PJVK: variants seen among roughly 807,000 people sequenced by gnomAD.
PJVK encodes the protein pejvakin.
A neutral mutation model predicts 37.6 loss-of-function variants in PJVK; 33 were observed. That is an observed-to-expected ratio of 0.88 (90% CI 0.67 to 1.17). The LOEUF is 1.17. PJVK is among the 50% of genes most tolerant of loss of function. The pLI is 0.00. For missense variants in PJVK, 410 were observed against 413.8 expected, an observed-to-expected ratio of 0.99 and a Z score of 0.08; for synonymous variants, 141 against 143.5, an observed-to-expected ratio of 0.98 and a Z score of 0.13.
At position 178,456,058 on chromosome 2, in the gene PJVK, A is replaced by G. The variant is rs570285692; in HGVS notation, c.456A>G (p.Arg152=). The change falls in exon 4 of 7, where the codon AGA becomes AGG. Residue 152 remains arginine, a synonymous_variant. Transcript: ENST00000644580. ...HSLIRQSRSS[R]KAVLCVVMES... The stretch of plus-strand genomic sequence containing the variant: ...TGATACGTCAGTCAAGGAGCAGCAG[A>G]AAGGCAGTATTGTGTGTGGTCATGG... 11 of 1,614,242 alleles carry G rather than the reference A, an allele frequency of 6.8e-6. No individual in the cohort carries two copies. The East Asian group carries it at 2.2e-4, about 33-fold the overall frequency.
intron 2 of PJVK, chr2:178,453,977 A>G (rs1247446431): frequency 3.2e-6 from 1 of 314,224 alleles, no homozygotes; most frequent in Non-Finnish European, 6.3e-6. Context: ...TTTACAATTC[A>G]ATTATTACAA....
intron 3 of PJVK, 132 bp from the exon 4 acceptor site, chr2:178,455,878 T>TG: frequency 1.0e-6 from 1 of 998,166 alleles, no homozygotes; most frequent in Non-Finnish European, 1.5e-6. Flanking sequence ...GGGTGTATTT[T>TG]CTGACTATTA....
At chr2:178,458,766 A>T in intron 5 of PJVK, 139 bp downstream of exon 5, 3 of 828,572 alleles carry the variant, frequency 3.6e-6, no homozygotes, top group Non-Finnish European at 6.2e-6. Context: ...TGTCAATCTT[A>T]TGCTTTGGCA....
Position 178,454,978 on chromosome 2 carries a change from A to G in PJVK, c.407+451A>G, listed in dbSNP as rs568291862. 10 of 971,460 alleles carry G rather than the reference A, an allele frequency of 1.0e-5. No homozygotes were observed. In the South Asian group the frequency reaches 1.3e-4, roughly 12 times the overall value. The allele number at this position is 971,460 out of a possible 1,614,324, so 60.2% of individuals were successfully genotyped here. On this transcript the variant is annotated intron_variant, in intron 3 of 6. Coordinates refer to ENST00000644580, the MANE Select transcript of PJVK (RefSeq NM_001042702.5). ...TGGACCAAGACCCTGTCGGAGCTGG[A>G]CCTGGCGGTCCCTTTCTGTGTGGAC...
Position 178,451,398 on chromosome 2 carries a change from C to T in PJVK, c.-394C>T, listed in dbSNP as rs758801582. 2 of 296,490 alleles carry T rather than the reference C, an allele frequency of 6.7e-6. No individual in the cohort carries two copies. Among genetic ancestry groups the T allele is most frequent in the Admixed American group, 5.6e-5 (1 of 17,902 alleles). The allele number at this position is 296,490 out of a possible 1,614,324, so 18.4% of individuals were successfully genotyped here. On this transcript the variant is annotated 5_prime_UTR_variant, in exon 1 of 7. Transcript: ENST00000644580. ...GCCCTGACCAGCCTGTAGTAACTGGCCCCTAGGCCGCAGTTCTTTGTCCTT... is the reference window on the plus strand; with the variant it reads ...GCCCTGACCAGCCTGTAGTAACTGGTCCCTAGGCCGCAGTTCTTTGTCCTT...
In PJVK at chr2:178,461,268, G is replaced by T. The variant is rs1279769956; in HGVS notation, c.1053G>T (p.Met351Ile). The stretch of plus-strand genomic sequence containing the variant: ...GTTTTGATATTTGGCACAAGAGGAT[G>T]AAATAAAATGAAAAATGAATACACC... ...VPCFDIWHKR[M>I]K The change falls in exon 7 of 7, where the codon ATG (methionine) becomes ATT (isoleucine). Residue 351 changes from methionine to isoleucine, a missense_variant. Met to Ile is a conservative substitution (Grantham distance 10, BLOSUM62 1). Transcript: ENST00000644580. 1.9e-6 allele frequency: 3 copies of T among 1,614,006 alleles called. No individual in the cohort carries two copies. The highest frequency in any genetic ancestry group is 2.2e-5 in the East Asian group (1 of 44,866).
rs1444365255 is a variant in PJVK at position 178,453,610 on chromosome 2, A to T, written c.201A>T (p.Glu67Asp). Reference protein sequence around the residue: ...TLKDILLGDREISAGISSYQL... With the variant: ...TLKDILLGDRDISAGISSYQL... ...AAGATATTCTCCTAGGAGACAGAGA[A>T]ATTTCAGCTGGTAAGTTTAAATGTT... is the stretch of plus-strand genomic sequence containing the variant. Residue 67 changes from glutamate (E) to aspartate (D), a missense_variant, in exon 2 of 7, where the codon GAA becomes GAT. Physicochemically the swap from Glu to Asp is conservative, Grantham distance 45 (BLOSUM62 2). Transcript: ENST00000644580. 2.5e-6 allele frequency: 4 copies of T among 1,612,270 alleles called. No homozygotes were observed. The South Asian group carries it at 3.3e-5, about 13-fold the overall frequency.
intron 5 of PJVK, chr2:178,459,996 T>C: frequency 4.7e-6 from 1 of 214,112 alleles, no homozygotes; most frequent in Admixed American, 5.3e-5. Flanking sequence ...TGTAACTATT[T>C]GGGCATAAAT....
rs375143518 is a variant in PJVK, at chr2:178,458,590, T to A, written c.630T>A (p.Ser210Arg). Residue 210 changes from serine to arginine, a missense_variant, in exon 5 of 7, where the codon AGT (serine) becomes AGA (arginine). Physicochemically the swap from Ser to Arg is moderately radical, Grantham distance 110. Transcript: ENST00000644580. Reference sequence around the variant, plus strand: ...CAGCACATACAACCATAGCTTTCAGTGTTTTTGAACTCTTCATATACCTGG... The same window carrying A: ...CAGCACATACAACCATAGCTTTCAGAGTTTTTGAACTCTTCATATACCTGG... ...VFPAHTTIAF[S>R]VFELFIYLDG... The A allele has an allele frequency of 6.2e-7, 1 of 1,614,084 alleles. No homozygotes were observed. Among genetic ancestry groups the A allele is most frequent in the East Asian group, 2.2e-5 (1 of 44,870 alleles).
At chr2:178,455,545 A>G in intron 3 of PJVK, 1 of 709,022 alleles carries the variant, frequency 1.4e-6, no homozygotes, top group Non-Finnish European at 2.6e-6. Context: ...GGACTGGCCC[A>G]GGCACACAGG....
intron 5 of PJVK, 136 bp downstream of exon 5, chr2:178,458,763 C>G: frequency 1.2e-6 from 1 of 854,856 alleles, no homozygotes; most frequent in South Asian, 1.3e-5. Flanking sequence ...CACTGTCAAT[C>G]TTATGCTTTG....
In PJVK at chr2:178,460,376, A is replaced by T. The variant is rs1485544648; in HGVS notation, c.696A>T (p.Gly232=). The change falls in exon 6 of 7, where the codon GGA becomes GGT. Residue 232 remains glycine, a synonymous_variant. Coordinates refer to ENST00000644580, the MANE Select transcript of PJVK (RefSeq NM_001042702.5). ...TTTGTGTCACTTCAGTGTCAAAAGG[A>T]GGATTTGAAAGGGAAGAAACGGCAA... ...FDLCVTSVSK[G]GFEREETATF... is the part of the protein sequence containing the mutation. The T allele has an allele frequency of 6.2e-7, 1 of 1,613,988 alleles. No individual in the cohort carries two copies. The highest frequency in any genetic ancestry group is 1.3e-5 in the African/African-American group (1 of 74,944).
chr2:178,456,092 C>G lies in PJVK; in HGVS notation c.490C>G (p.Arg164Gly). Residue 164 changes from arginine to glycine, a missense_variant, in exon 4 of 7, where the codon CGA becomes GGA. Arg to Gly is a moderately radical substitution (Grantham distance 125, BLOSUM62 -2). Coordinates refer to ENST00000644580, the MANE Select transcript of PJVK (RefSeq NM_001042702.5). The stretch of plus-strand genomic sequence containing the variant: ...ATTGTGTGTGGTCATGGAGAGCATC[C>G]GAACCACACGACAGTGCTCACTGTC... Reference protein sequence around the residue: ...AVLCVVMESIRTTRQCSLSVH... With the variant: ...AVLCVVMESIGTTRQCSLSVH... 1 of 1,614,082 alleles carries G rather than the reference C, an allele frequency of 6.2e-7. No individual in the cohort carries two copies. Among genetic ancestry groups the G allele is most frequent in the Non-Finnish European group, 8.5e-7 (1 of 1,180,004 alleles).
At chr2:178,455,364 A>G (rs570323913) in intron 3 of PJVK, 1 of 1,303,712 alleles carries the variant, frequency 7.7e-7, no homozygotes, top group African/African-American at 1.5e-5. Flanking sequence ...AAGAAACAGG[A>G]GATTCTGAAG....
chr2:178,451,989 G>A, intron 1 of PJVK: 2 of 494,390 alleles, frequency 4.0e-6, no homozygotes, highest in Non-Finnish European at 5.2e-6. Flanking sequence ...CGTACGAAAG[G>A]ATATTATTAA....
At chr2:178,453,324 C>A in intron 1 of PJVK, 64 bp from the exon 2 acceptor site, 1 of 1,325,550 alleles carries the variant, frequency 7.5e-7, no homozygotes. Context: ...TATTTAAAAA[C>A]AAGCAATGCT....
chr2:178,457,821 T>C (rs369914487), intron 4 of PJVK, among the ~76,000 whole-genome samples: 2 of 152,266 alleles, frequency 1.3e-5, no homozygotes, highest in African/African-American at 4.8e-5. Flanking sequence ...ATTGTGCCAC[T>C]GCTCTCCAGC....
chr2:178,459,826 A>G (rs1204952827), intron 5 of PJVK: 2 of 155,352 alleles, frequency 1.3e-5, no homozygotes, highest in African/African-American at 4.8e-5. Context: ...TTACACATAT[A>G]TGAAATGATA....
At chr2:178,456,324 CAA>C in intron 4 of PJVK, 173 bp downstream of exon 4, 2 of 757,220 alleles carry the variant, frequency 2.6e-6, no homozygotes, top group Non-Finnish European at 4.2e-6. Flanking sequence ...AAAAAAAAAA[CAA>C]ATCTTGGGAT....
Sources: allele counts gnomAD v4.1 joint callset (sites outside exome capture counted in the v4.1 genomes callset), GRCh38; gene constraint gnomAD v4.1.1; transcripts MANE v1.5; gene names NCBI Gene and HGNC (gene_info 2026-07-23, HGNC 2026-07-21).